Variants in PKM observed in about 807,000 individuals in gnomAD.
PKM encodes pyruvate kinase M1/2, also known as pyruvate kinase PKM.
A neutral mutation model predicts 49.8 loss-of-function variants in PKM; 18 were observed. That is an observed-to-expected ratio of 0.36 (90% CI 0.25 to 0.54). PKM has a LOEUF of 0.54. Among genes scored for constraint, PKM ranks in the 20% least tolerant of loss-of-function variants. PKM has a pLI of 0.89. For synonymous variants in PKM, 239 were observed against 261.8 expected (o/e 0.91, Z 0.84); for missense variants, 508 against 713.8 (o/e 0.71, Z 3.28).
rs56863670 is a variant in PKM, at chr15:72,200,292, G to A, written c.1489+182C>T. Among the ~76,000 whole-genome samples, 3 of 152,266 alleles carry A rather than the reference G, an allele frequency of 2.0e-5. No homozygotes were observed. The highest frequency in any genetic ancestry group is 2.1e-4 in the South Asian group (1 of 4,812). Reference sequence around the variant, plus strand: ...CCCTCCTGGCTCAGCTTAGGACTTCGGAGAATGAGAGATTCAGAATGAACA... The same window carrying A: ...CCCTCCTGGCTCAGCTTAGGACTTCAGAGAATGAGAGATTCAGAATGAACA... On this transcript the variant is annotated intron_variant, in intron 10 of 10. Transcript: ENST00000335181. This position sits in a 1 kb window ranked among gnomAD's most constrained non-coding sequence, Gnocchi z 4.6.
rs780045406 is a variant in PKM, at chr15:72,209,677, C to A, written c.561G>T (p.Gln187His). Residue 187 changes from glutamine to histidine, a missense_variant, in exon 5 of 11, where the codon CAG becomes CAT. By Grantham distance (24) the Gln-to-His change is conservative. Coordinates refer to ENST00000335181, the MANE Select transcript of PKM (RefSeq NM_002654.6). ...DDGLISLQVK[Q>H]KGADFLVTEV... ...GACTCCAGCTCCCATACGTACCTTT[C>A]TGCTTCACCTGGAGAGAAATAAGCC... The A allele has an allele frequency of 6.2e-7, 1 of 1,613,300 alleles. No individual in the cohort carries two copies. The highest frequency in any genetic ancestry group is 2.2e-5 in the East Asian group (1 of 44,876).
intron 9 of PKM, chr15:72,201,465 G>A (rs1298328891): frequency 6.6e-6 from 1 of 152,322 alleles, no homozygotes; most frequent in Non-Finnish European, 1.5e-5. Context: ...CTCAACAGGT[G>A]TCAGGGAAAC....
chr15:72,203,286 G>A lies in PKM; in HGVS notation c.1141-666C>T, dbSNP rs1313302015. The A allele has an allele frequency of 6.2e-6, 7 of 1,125,296 alleles. No homozygotes were observed. In the Admixed American group the frequency reaches 1.2e-4, roughly 19 times the overall value. 69.7% of individuals were successfully genotyped at this position (1,125,296 alleles called of 1,614,324 possible). A position where few individuals can be genotyped will look rare whatever the true frequency, so the allele number is the denominator to read the frequency against. ...AAGACAGAATGGGGAATTTATCAGA[G>A]AGGAAGGTAACCTTAGGTTAATTGG... On this transcript the variant is annotated intron_variant, in intron 8 of 10. Transcript: ENST00000335181.
At chr15:72,201,980 C>T (rs1340465380) in intron 9 of PKM, 1 of 234,354 alleles carries the variant, frequency 4.3e-6, no homozygotes, top group South Asian at 5.1e-5. Flanking sequence ...ACAGCAACCT[C>T]TCCTGAGCTG....
chr15:72,229,729 C>CTATG, intron 1 of PKM: 1 of 1,183,358 alleles, frequency 8.5e-7, no homozygotes, highest in South Asian at 1.5e-5. Flanking sequence ...GCTCGGTGGG[C>CTATG]TATGACTCGT....
At chr15:72,225,188 A>G (rs1001896174) in intron 1 of PKM, among the ~76,000 whole-genome samples, 1 of 147,986 alleles carries the variant, frequency 6.8e-6, no homozygotes, top group African/African-American at 2.5e-5. Flanking sequence ...CGCCCACCTC[A>G]GCTTCCCAAA....
rs541755807 is a variant in PKM, at chr15:72,207,682, C to A, written c.837-405G>T. Among the ~76,000 whole-genome samples, 6 of 152,348 alleles carry A rather than the reference C, an allele frequency of 3.9e-5. No individual in the cohort carries two copies. In the East Asian group the frequency reaches 1.2e-3, roughly 29 times the overall value. ...CCACCACAAAGACCCATGGCCTCATCTAGTCAAGGACACTTGAGGACTGCC... is the reference window on the plus strand; with the variant it reads ...CCACCACAAAGACCCATGGCCTCATATAGTCAAGGACACTTGAGGACTGCC... On this transcript the variant is annotated intron_variant, in intron 6 of 10. Coordinates refer to ENST00000335181, the MANE Select transcript of PKM (RefSeq NM_002654.6).
chr15:72,224,983 G>A (rs867361311), intron 1 of PKM, among the ~76,000 whole-genome samples: 3 of 144,314 alleles, frequency 2.1e-5, no homozygotes, highest in Non-Finnish European at 4.5e-5. Flanking sequence ...GTGCACTGGC[G>A]CGATCTCAGC....
chr15:72,215,741 A>T (rs1349890077), intron 3 of PKM, among the ~76,000 whole-genome samples: 1 of 152,168 alleles, frequency 6.6e-6, no homozygotes, highest in Non-Finnish European at 1.5e-5. Flanking sequence ...ACTTCTTAAA[A>T]ATCTATTTCT....
intron 6 of PKM, among the ~76,000 whole-genome samples, chr15:72,207,660 CCA>C (rs1490807061): frequency 2.0e-5 from 3 of 152,366 alleles, no homozygotes; most frequent in Admixed American, 2.0e-4. Flanking sequence ...ACTGCTTCCA[CCA>C]CAAAGACCCA....
At chr15:72,223,027 T>C (rs2082567179) in intron 1 of PKM, among the ~76,000 whole-genome samples, 1 of 151,324 alleles carries the variant, frequency 6.6e-6, no homozygotes, top group Non-Finnish European at 1.5e-5. Flanking sequence ...TTTTTTCTTT[T>C]TTTTTTTTTT....
At position 72,210,338 on chromosome 15, in the gene PKM, A is replaced by G. The variant is rs1435181367; in HGVS notation, c.378+9T>C. The G allele has an allele frequency of 6.2e-7, 1 of 1,613,776 alleles. No homozygotes were observed. Among genetic ancestry groups the G allele is most frequent in the Non-Finnish European group, 8.5e-7 (1 of 1,179,762 alleles). ...TGAGCCTTCCCCTCGCTCTCCGCAG[A>G]ATACTCACGCCCTTGATGAGCCCAG... On this transcript the variant is annotated intron_variant, in intron 4 of 10. Transcript: ENST00000335181.
In PKM at chr15:72,221,050, T is replaced by C. The variant is rs1268316709; in HGVS notation, c.-13-1940A>G. The C allele has an allele frequency of 1.3e-5, 9 of 698,790 alleles. No individual in the cohort carries two copies. In the East Asian group the frequency reaches 2.4e-4, roughly 19 times the overall value. 43.3% of individuals were successfully genotyped at this position (698,790 alleles called of 1,614,324 possible). ...GTGAACAAAATAAGATCTGAATAAGTGGGTTGGAGTAACTAATTCCACTCT... is the reference window on the plus strand; with the variant it reads ...GTGAACAAAATAAGATCTGAATAAGCGGGTTGGAGTAACTAATTCCACTCT... On this transcript the variant is annotated intron_variant, in intron 1 of 10. Coordinates refer to ENST00000335181, the MANE Select transcript of PKM (RefSeq NM_002654.6).
rs767683783 is a variant in PKM, at chr15:72,202,461, A to T, written c.1300T>A (p.Ser434Thr). 1 of 1,612,874 alleles carries T rather than the reference A, an allele frequency of 6.2e-7. No individual in the cohort carries two copies. The highest frequency in any genetic ancestry group is 1.1e-5 in the South Asian group (1 of 90,886). Residue 434 changes from serine (S) to threonine (T), a missense_variant, in exon 9 of 11, where the codon TCT becomes ACT. Transcript: ENST00000335181. This position sits in a 1 kb window ranked among gnomAD's most constrained non-coding sequence, Gnocchi z 4.5. ...GCCGCTGCCGCCTCCTACCTGCCAG[A>T]CTTGGTGAGGACGATTATGGCCCCA... ...CSGAIIVLTK[S>T]GRSAHQVARY...
chr15:72,230,041 G>C (rs2082806795), intron 1 of PKM, among the ~76,000 whole-genome samples: 1 of 152,210 alleles, frequency 6.6e-6, no homozygotes, highest in Non-Finnish European at 1.5e-5. Context: ...GAGGCCCAAG[G>C]CCATCGCCCG....
At chr15:72,219,609 T>C (rs1471462500) in intron 1 of PKM, among the ~76,000 whole-genome samples, 1 of 152,190 alleles carries the variant, frequency 6.6e-6, no homozygotes, top group African/African-American at 2.4e-5. Flanking sequence ...GGGGCACCCA[T>C]ATTGCCTCTT....
At position 72,210,477 on chromosome 15, in the gene PKM, T is replaced by C. The variant is rs767632371; in HGVS notation, c.248A>G (p.Tyr83Cys). The change falls in exon 4 of 11, where the codon TAC becomes TGC. Residue 83 changes from tyrosine (Y) to cysteine (C), a missense_variant and splice_region_variant. Tyr to Cys is a radical substitution (Grantham distance 194). Transcript: ENST00000335181. The part of the protein sequence containing the change: ...RLNFSHGTHE[Y>C]HAETIKNVRT... ...CACATTCTTGATGGTCTCCGCATGG[T>C]ACTGGGGGAAAAGAAGGAAGATGAC... The C allele has an allele frequency of 1.2e-5, 19 of 1,613,974 alleles. No homozygotes were observed. In the East Asian group the frequency reaches 3.3e-4, roughly 28 times the overall value.
rs2081993976 is a variant in PKM at position 72,203,345 on chromosome 15, G to A, written c.1141-725C>T. On this transcript the variant is annotated intron_variant, in intron 8 of 10. Transcript: ENST00000335181. ...GTCCTTCAGGCAGATGCAGAGGTAG[G>A]GTGATGAAAGTCCAACTGCTTCAGG... The A allele has an allele frequency of 8.0e-5, 53 of 666,482 alleles. 1 individual carries two copies. In the South Asian group the frequency reaches 9.2e-4, roughly 12 times the overall value. The allele number at this position is 666,482 out of a possible 1,614,324, so 41.3% of individuals were successfully genotyped here.
intron 3 of PKM, among the ~76,000 whole-genome samples, chr15:72,211,769 A>T (rs1433018509): frequency 6.6e-6 from 1 of 150,938 alleles, no homozygotes; most frequent in Non-Finnish European, 1.5e-5. Flanking sequence ...TGATCACACC[A>T]CTGCACTCCG....
Sources: allele counts gnomAD v4.1 joint callset (sites outside exome capture counted in the v4.1 genomes callset), GRCh38; gene constraint gnomAD v4.1.1; non-coding constraint Gnocchi (gnomAD v3.1); transcripts MANE v1.5; gene names NCBI Gene and HGNC (gene_info 2026-07-23, HGNC 2026-07-21).